The following ANKFN1 variants were observed in gnomAD, a reference collection of about 807,000 sequenced individuals.
The protein encoded by ANKFN1 is ankyrin repeat and fibronectin type-III domain-containing protein 1.
A neutral mutation model predicts 108.7 loss-of-function variants in ANKFN1; 74 were observed. The ratio of observed to expected loss-of-function variants is 0.68; its 90% CI spans 0.56 to 0.83. The LOEUF is 0.83. ANKFN1 is among the 40% of genes least tolerant of loss of function. The probability of loss-of-function intolerance (pLI) is 0.00; values close to 1 mark genes in which losing one functional copy is unlikely to be tolerated. For missense variants in ANKFN1, 1,505 were observed against 1,382.3 expected (o/e 1.09, Z -1.41); for synonymous variants, 547 against 516.2 (o/e 1.06, Z -0.81).
intron 4 of ANKFN1, among the ~76,000 whole-genome samples, chr17:56,335,817 G>C (rs2045791842): frequency 6.6e-6 from 1 of 152,158 alleles, no homozygotes; most frequent in Admixed American, 6.6e-5. Context: ...AGGGCTTCCA[G>C]TTTCTGCCCA....
chr17:56,349,147 C>T (rs1460806770), intron 4 of ANKFN1, among the ~76,000 whole-genome samples: 4 of 152,010 alleles, frequency 2.6e-5, no homozygotes, highest in Non-Finnish European at 5.9e-5. Context: ...AAATATTACA[C>T]GTTCTCACTT....
Position 56,391,362 on chromosome 17 carries a change from A to G in ANKFN1, c.910+16648A>G, listed in dbSNP as rs569260292. Among the ~76,000 whole-genome samples the G allele has an allele frequency of 1.7e-3, 155 of 91,880 alleles. 1 individual carries two copies. The South Asian group carries it at 0.022, about 13-fold the overall frequency. The allele number at this position is 91,880 out of a possible 152,430, so 60.3% of individuals were successfully genotyped here. A position where few individuals can be genotyped will look rare whatever the true frequency, so the allele number is the denominator to read the frequency against. ...TATTCTTGAAGGCCCAAGAATACATATATATATGTGTGTGTGTGTGTGTGT... is the reference window on the plus strand; with the variant it reads ...TATTCTTGAAGGCCCAAGAATACATGTATATATGTGTGTGTGTGTGTGTGT... On this transcript the variant is annotated intron_variant, in intron 8 of 20. Coordinates refer to ENST00000682825, the MANE Select transcript of ANKFN1 (RefSeq NM_001370326.1).
chr17:56,385,896 T>A (rs1485759176), intron 8 of ANKFN1, among the ~76,000 whole-genome samples: 7 of 152,190 alleles, frequency 4.6e-5, no homozygotes, highest in Non-Finnish European at 7.4e-5. Context: ...GTTCAACCAT[T>A]GTGGAAGTCA....
At chr17:56,206,809 G>A (rs774719774) in intron 1 of ANKFN1, 5 of 152,208 alleles carry the variant, frequency 3.3e-5, no homozygotes, top group Non-Finnish European at 7.3e-5. Flanking sequence ...ACTGGCCTTT[G>A]AGACACTCCT....
intron 3 of ANKFN1, among the ~76,000 whole-genome samples, chr17:56,295,990 C>A (rs2044498837): frequency 6.6e-6 from 1 of 152,162 alleles, no homozygotes; most frequent in African/African-American, 2.4e-5. Context: ...TTGGGGGGCA[C>A]ATTCAAACCA....
At chr17:56,196,709 C>T (rs1913547660) in intron 1 of ANKFN1, among the ~76,000 whole-genome samples, 2 of 152,224 alleles carry the variant, frequency 1.3e-5, no homozygotes, top group Admixed American at 1.3e-4. Flanking sequence ...TGACTCCACT[C>T]CAGCCTGGGT....
intron 3 of ANKFN1, among the ~76,000 whole-genome samples, chr17:56,290,645 T>C (rs891492545): frequency 5.9e-5 from 9 of 152,182 alleles, no homozygotes; most frequent in Non-Finnish European, 1.0e-4. Context: ...GAGTTGAGTC[T>C]ATTTGGTACT....
At chr17:56,486,126 A>T (rs1051760133) in intron 18 of ANKFN1, among the ~76,000 whole-genome samples, 1 of 152,194 alleles carries the variant, frequency 6.6e-6, no homozygotes, top group African/African-American at 2.4e-5. Flanking sequence ...ACTTTCTTTC[A>T]TCTATGAAAA....
At chr17:56,303,664 G>A in intron 3 of ANKFN1, among the ~76,000 whole-genome samples, 1 of 151,988 alleles carries the variant, frequency 6.6e-6, no homozygotes, top group East Asian at 1.9e-4. Context: ...ATAATAGACG[G>A]AGATTCCATG....
intron 4 of ANKFN1, among the ~76,000 whole-genome samples, chr17:56,050,955 C>G (rs1353901976): frequency 2.2e-5 from 3 of 138,670 alleles, no homozygotes; most frequent in Non-Finnish European, 4.7e-5. Flanking sequence ...GAGTCCAGGA[C>G]CAGATGGATT....
chr17:56,474,798 G>T (rs2050443431), intron 15 of ANKFN1, among the ~76,000 whole-genome samples: 1 of 151,990 alleles, frequency 6.6e-6, no homozygotes, highest in African/African-American at 2.4e-5. Context: ...ATTTATTGTA[G>T]TCAACTACTT....
intron 4 of ANKFN1, among the ~76,000 whole-genome samples, chr17:56,081,593 T>G (rs1481440116): frequency 1.3e-5 from 2 of 152,166 alleles, no homozygotes; most frequent in Admixed American, 1.3e-4. Context: ...CCTCAGGTTA[T>G]CCGCCTGCCT....
At chr17:56,504,790 G>C (rs901572514) in intron 20 of ANKFN1, among the ~76,000 whole-genome samples, 1 of 151,412 alleles carries the variant, frequency 6.6e-6, no homozygotes, top group African/African-American at 2.4e-5. Flanking sequence ...GAGTAGCTGG[G>C]ATTACAGGTG....
At chr17:56,311,539 G>C (rs569658891) in intron 3 of ANKFN1, among the ~76,000 whole-genome samples, 15 of 152,250 alleles carry the variant, frequency 9.9e-5, no homozygotes, top group African/African-American at 3.6e-4. Context: ...AAGTACTTAT[G>C]TGTGAAAATG....
At chr17:56,501,397 G>T (rs2051364947) in intron 20 of ANKFN1, among the ~76,000 whole-genome samples, 1 of 152,136 alleles carries the variant, frequency 6.6e-6, no homozygotes, top group East Asian at 1.9e-4. Context: ...ATTGAAGCAG[G>T]GAGGCAACTT....
At chr17:56,474,333 T>C (rs1234396336) in intron 15 of ANKFN1, among the ~76,000 whole-genome samples, 1 of 152,232 alleles carries the variant, frequency 6.6e-6, no homozygotes, top group East Asian at 1.9e-4. Context: ...GTGAAACAGA[T>C]TATACTGGAG....
At chr17:56,197,766 T>A (rs1913655592) in intron 1 of ANKFN1, among the ~76,000 whole-genome samples, 1 of 152,198 alleles carries the variant, frequency 6.6e-6, no homozygotes, top group South Asian at 2.1e-4. Flanking sequence ...ATAATTTACA[T>A]CCAAAGATCA....
At chr17:56,283,536 T>TATATATATATATATATATATATATATATA in intron 3 of ANKFN1, among the ~76,000 whole-genome samples, 1 of 149,960 alleles carries the variant, frequency 6.7e-6, no homozygotes, top group African/African-American at 2.5e-5. Context: ...TATATATATA[T>TATATATATATATATATATATATATATATA]ATGATGGAAT....
At chr17:56,508,043 C>T (rs978702621) in intron 20 of ANKFN1, among the ~76,000 whole-genome samples, 4 of 152,214 alleles carry the variant, frequency 2.6e-5, no homozygotes, top group African/African-American at 9.6e-5. Flanking sequence ...GTTCCATAAA[C>T]ATCTTTCAAT....
Sources: allele counts gnomAD v4.1 joint callset (sites outside exome capture counted in the v4.1 genomes callset), GRCh38; gene constraint gnomAD v4.1.1; transcripts MANE v1.5; gene names NCBI Gene and HGNC (gene_info 2026-07-23, HGNC 2026-07-21).